Variants in PVALB observed in about 807,000 individuals in gnomAD.
The protein encoded by PVALB is parvalbumin, also known as parvalbumin alpha.
In PVALB, 11 loss-of-function variants were observed where a neutral mutation model predicts 10.9. The ratio of observed to expected loss-of-function variants is 1.01; its 90% CI spans 0.63 to 1.67. The LOEUF (loss-of-function observed/expected upper bound fraction) is 1.67, where lower values mean the gene tolerates loss of function less well. PVALB is among the 40% of genes most tolerant of loss of function. The pLI is 0.00. For synonymous variants in PVALB, 57 were observed against 50.7 expected (o/e 1.12, Z -0.53); for missense variants, 131 against 136.2 (o/e 0.96, Z 0.19).
rs750637306 is a variant in PVALB, at chr22:36,813,796, C to T, written c.195-41G>A. On this transcript the variant is annotated intron_variant, in intron 2 of 3. Transcript: ENST00000417718. ...GAGAAAGCCGGTGAGGGAGTCAGGCCGAGGTCGCCTTGCAGGACGCTGGAT... is the reference window on the plus strand; with the variant it reads ...GAGAAAGCCGGTGAGGGAGTCAGGCTGAGGTCGCCTTGCAGGACGCTGGAT... 1.5e-5 allele frequency: 22 copies of T among 1,508,804 alleles called. 1 individual carries two copies. The South Asian group carries it at 1.6e-4, about 11-fold the overall frequency. 93.5% of individuals were successfully genotyped at this position (1,508,804 alleles called of 1,614,324 possible).
At chr22:36,809,593 A>C (rs956532568) in intron 3 of PVALB, among the ~76,000 whole-genome samples, 2 of 152,228 alleles carry the variant, frequency 1.3e-5, no homozygotes, top group Non-Finnish European at 2.9e-5. Context: ...CAGTGTGCTC[A>C]TCTATAAAAT....
At chr22:36,809,429 T>G (rs1482445740) in intron 3 of PVALB, among the ~76,000 whole-genome samples, 2 of 147,212 alleles carry the variant, frequency 1.4e-5, no homozygotes, top group African/African-American at 5.0e-5. Context: ...TATAATCATC[T>G]TATAGTAAAT....
At chr22:36,811,424 AGT>A (rs1491220774) in intron 3 of PVALB, 2 of 468,544 alleles carry the variant, frequency 4.3e-6, no homozygotes, top group African/African-American at 2.0e-5. Flanking sequence ...AGGGCTAAGG[AGT>A]AGCTGCTCAG....
At position 36,800,871 on chromosome 22, in the gene PVALB, C is replaced by A; in HGVS notation, c.*19G>T. 6.2e-7 allele frequency: 1 copy of A among 1,602,748 alleles called. No homozygotes were observed. The highest frequency in any genetic ancestry group is 8.5e-7 in the Non-Finnish European group (1 of 1,169,686). On this transcript the variant is annotated 3_prime_UTR_variant, in exon 4 of 4. Coordinates refer to ENST00000417718, the MANE Select transcript of PVALB (RefSeq NM_001315532.2). ...TGTTCAGGGCAGAGAGGTGGAAGAC[C>A]AGGGGCAGTCAGTGCTTCTTAGCTT...
chr22:36,803,290 A>G (rs1938896952), intron 3 of PVALB, among the ~76,000 whole-genome samples: 1 of 152,160 alleles, frequency 6.6e-6, no homozygotes, highest in Admixed American at 6.5e-5. Flanking sequence ...CCCAGCTCAA[A>G]TATCACCATC....
chr22:36,807,445 A>T (rs933404856), intron 3 of PVALB, among the ~76,000 whole-genome samples: 1 of 152,262 alleles, frequency 6.6e-6, no homozygotes, highest in South Asian at 2.1e-4. Context: ...CCGGAGGGCT[A>T]GAATTACAGG....
At chr22:36,814,556 C>T (rs2145953940) in intron 2 of PVALB, among the ~76,000 whole-genome samples, 1 of 152,202 alleles carries the variant, frequency 6.6e-6, no homozygotes, top group Non-Finnish European at 1.5e-5. Flanking sequence ...GTGGGAGATG[C>T]TTTTGCAGAT....
intron 1 of PVALB, 162 bp from the exon 2 acceptor site, chr22:36,815,397 G>T: frequency 4.2e-6 from 4 of 955,222 alleles, no homozygotes; most frequent in Non-Finnish European, 6.2e-6. Flanking sequence ...CCCGGGCAAG[G>T]GAGGATAACC....
At chr22:36,801,348 G>T (rs759875349) in intron 3 of PVALB, among the ~76,000 whole-genome samples, 9 of 152,116 alleles carry the variant, frequency 5.9e-5, no homozygotes, top group Non-Finnish European at 1.0e-4. Context: ...TGAGGCTCAG[G>T]GTCCTGATTT....
At chr22:36,815,884 C>T (rs1446439174) in intron 1 of PVALB, among the ~76,000 whole-genome samples, 2 of 151,816 alleles carry the variant, frequency 1.3e-5, no homozygotes, top group Non-Finnish European at 2.9e-5. Context: ...GAGGGTTATC[C>T]CAGGACCCTG....
Position 36,800,783 on chromosome 22 carries a change from A to C in PVALB, c.*107T>G, listed in dbSNP as rs964789045. The C allele has an allele frequency of 7.6e-6, 10 of 1,316,000 alleles. No individual in the cohort carries two copies. Among genetic ancestry groups the C allele is most frequent in the Non-Finnish European group, 1.1e-5 (10 of 909,528 alleles). 81.5% of individuals were successfully genotyped at this position (1,316,000 alleles called of 1,614,324 possible). On this transcript the variant is annotated 3_prime_UTR_variant, in exon 4 of 4. Coordinates refer to ENST00000417718, the MANE Select transcript of PVALB (RefSeq NM_001315532.2). ...AGAGGGCCACAGGGGATGGGGGAGT[A>C]AAAAATAACATAAACGAACTGAACA...
intron 3 of PVALB, among the ~76,000 whole-genome samples, chr22:36,809,003 GT>G (rs1328879668): frequency 7.2e-5 from 11 of 152,136 alleles, no homozygotes; most frequent in African/African-American, 2.7e-4. Context: ...AATGCAAAGG[GT>G]TATTATTAGA....
chr22:36,805,010 G>T (rs1938928255), intron 3 of PVALB, among the ~76,000 whole-genome samples: 1 of 152,220 alleles, frequency 6.6e-6, no homozygotes, highest in Non-Finnish European at 1.5e-5. Flanking sequence ...CTGAATTGGT[G>T]GTAGGTAGGA....
intron 3 of PVALB, among the ~76,000 whole-genome samples, chr22:36,802,818 T>A (rs530820920): frequency 6.6e-6 from 1 of 152,114 alleles, no homozygotes; most frequent in South Asian, 2.1e-4. Context: ...CCAGCTGGTT[T>A]TGAAATCTCC....
At chr22:36,810,720 A>C (rs1939032694) in intron 3 of PVALB, among the ~76,000 whole-genome samples, 1 of 152,236 alleles carries the variant, frequency 6.6e-6, no homozygotes, top group Non-Finnish European at 1.5e-5. Context: ...GGCTGGACAC[A>C]CATGACATGC....
chr22:36,813,537 G>A, intron 3 of PVALB, 109 bp downstream of exon 3: 3 of 861,246 alleles, frequency 3.5e-6, no homozygotes, highest in Non-Finnish European at 3.9e-6. Flanking sequence ...CTGGGGGAGT[G>A]AGGGACCCCC....
intron 3 of PVALB, among the ~76,000 whole-genome samples, chr22:36,808,016 G>A (rs1938983703): frequency 6.6e-6 from 1 of 152,212 alleles, no homozygotes; most frequent in Admixed American, 6.5e-5. Flanking sequence ...CACACTTAAA[G>A]CAGAGGGCAG....
chr22:36,813,965 C>A (rs1049227873), intron 2 of PVALB, among the ~76,000 whole-genome samples: 1 of 152,152 alleles, frequency 6.6e-6, no homozygotes, highest in Non-Finnish European at 1.5e-5. Flanking sequence ...GACAGGCTGT[C>A]CTCAGTGAAG....
chr22:36,805,236 C>T (rs980899752), intron 3 of PVALB, among the ~76,000 whole-genome samples: 1 of 152,120 alleles, frequency 6.6e-6, no homozygotes, highest in Non-Finnish European at 1.5e-5. Flanking sequence ...CTGTGACCTT[C>T]GACTAGATGC....
Sources: allele counts gnomAD v4.1 joint callset (sites outside exome capture counted in the v4.1 genomes callset), GRCh38; gene constraint gnomAD v4.1.1; transcripts MANE v1.5; gene names NCBI Gene and HGNC (gene_info 2026-07-23, HGNC 2026-07-21).